The following NSMCE2 variants were observed in gnomAD, a reference collection of about 807,000 sequenced individuals.
NSMCE2 encodes the protein E3 SUMO-protein ligase NSE2.
NSMCE2 carries 24 observed loss-of-function variants against 23.8 expected under a neutral mutation model. The observed-to-expected ratio is 1.01, with a 90% CI of 0.73 to 1.42. The LOEUF is 1.42. NSMCE2 is among the 40% of genes most tolerant of loss of function. NSMCE2 has a pLI of 0.00. For synonymous variants in NSMCE2, 92 were observed against 94.1 expected (o/e 0.98, Z 0.13); for missense variants, 284 against 296.5 (o/e 0.96, Z 0.31).
At chr8:125,188,365 G>A (rs535795779) in intron 5 of NSMCE2, among the ~76,000 whole-genome samples, 1 of 152,274 alleles carries the variant, frequency 6.6e-6, no homozygotes, top group African/African-American at 2.4e-5. Context: ...TATTACCATA[G>A]CACAGGTCCT....
intron 5 of NSMCE2, among the ~76,000 whole-genome samples, chr8:125,329,934 G>T (rs898947673): frequency 1.4e-4 from 21 of 152,024 alleles, no homozygotes; most frequent in South Asian, 2.1e-4. Flanking sequence ...AAGACTGGTT[G>T]TTATTTTTTT....
chr8:125,300,300 C>T (rs1240345515), intron 5 of NSMCE2, among the ~76,000 whole-genome samples: 1 of 151,746 alleles, frequency 6.6e-6, no homozygotes, highest in Non-Finnish European at 1.5e-5. Context: ...TCACCTCCAC[C>T]TCCTGAGTAC....
intron 5 of NSMCE2, among the ~76,000 whole-genome samples, chr8:125,325,738 G>A (rs1027165813): frequency 3.7e-4 from 56 of 152,120 alleles, no homozygotes; most frequent in African/African-American, 7.0e-4. Context: ...GATCACCTGC[G>A]GTCAGGAGTT....
At chr8:125,093,076 A>G (rs904463323) in intron 1 of NSMCE2, among the ~76,000 whole-genome samples, 4 of 152,188 alleles carry the variant, frequency 2.6e-5, no homozygotes, top group Non-Finnish European at 4.4e-5. Flanking sequence ...TATCTTAGTC[A>G]ATGTGGGCTT....
chr8:125,229,699 A>G (rs1166430447), intron 5 of NSMCE2, among the ~76,000 whole-genome samples: 1 of 152,222 alleles, frequency 6.6e-6, no homozygotes, highest in African/African-American at 2.4e-5. Flanking sequence ...TACTTTGTGT[A>G]TAAGGATAAT....
chr8:125,340,012 G>GTTTTTTTTTTTTTTTTTT (rs752038710), intron 5 of NSMCE2, among the ~76,000 whole-genome samples: 1 of 102,854 alleles, frequency 9.7e-6, no homozygotes, highest in Non-Finnish European at 1.9e-5. Context: ...GTTTTTTTTT[G>GTTTTTTTTTTTTTTTTTT]TTTTTTTTTT....
intron 5 of NSMCE2, among the ~76,000 whole-genome samples, chr8:125,324,518 C>CA (rs71295841): frequency 0.43 from 20,701 of 48,490 alleles, 3,970 homozygotes; most frequent in Middle Eastern, 0.54. Flanking sequence ...GGTGCCAGAC[C>CA]AAAAAAAAAA....
intron 5 of NSMCE2, among the ~76,000 whole-genome samples, chr8:125,236,070 G>A (rs1236452552): frequency 6.6e-6 from 1 of 152,170 alleles, no homozygotes; most frequent in African/African-American, 2.4e-5. Context: ...CATCCTCAGA[G>A]CAGCAAAGGG....
At chr8:125,210,640 T>C (rs1477283431) in intron 5 of NSMCE2, among the ~76,000 whole-genome samples, 1 of 152,152 alleles carries the variant, frequency 6.6e-6, no homozygotes, top group South Asian at 2.1e-4. Flanking sequence ...TGTTCCTTTT[T>C]TTTCTCACCG....
Position 125,366,898 on chromosome 8 carries a change from G to GCCTGCTGGTGTC in NSMCE2, c.*18_*19insTGGTGTCCCTGC. 1 of 1,458,284 alleles carries GCCTGCTGGTGTC rather than the reference G, an allele frequency of 6.9e-7. No homozygotes were observed. The highest frequency in any genetic ancestry group is 9.6e-7 in the Non-Finnish European group (1 of 1,038,048). 90.3% of individuals were successfully genotyped at this position (1,458,284 alleles called of 1,614,324 possible). On this transcript the variant is annotated 3_prime_UTR_variant, in exon 8 of 8. Transcript: ENST00000287437. ...TCATTCCGAGTAGGAAAAGCCACCT[G>GCCTGCTGGTGTC]CCTGCAGGGACACCAGCAGCCTACC...
chr8:125,284,549 T>G (rs1827821535), intron 5 of NSMCE2, among the ~76,000 whole-genome samples: 1 of 152,238 alleles, frequency 6.6e-6, no homozygotes, highest in African/African-American at 2.4e-5. Flanking sequence ...ATTCAGGATT[T>G]TCAGTTCTTT....
intron 5 of NSMCE2, among the ~76,000 whole-genome samples, chr8:125,227,005 A>G (rs958107272): frequency 2.6e-5 from 4 of 151,988 alleles, no homozygotes; most frequent in African/African-American, 9.7e-5. Context: ...CCCTTTGCCT[A>G]GGGACTCACC....
At chr8:125,128,876 C>T (rs1819630184) in intron 3 of NSMCE2, among the ~76,000 whole-genome samples, 1 of 152,192 alleles carries the variant, frequency 6.6e-6, no homozygotes, top group South Asian at 2.1e-4. Flanking sequence ...TGGATTCTCT[C>T]CCCACTGCAA....
intron 3 of NSMCE2, among the ~76,000 whole-genome samples, chr8:125,115,200 C>T (rs995794680): frequency 1.3e-5 from 2 of 152,182 alleles, no homozygotes. Flanking sequence ...ATATTGACTC[C>T]ACCCATGGAA....
In NSMCE2 at chr8:125,093,560, G is replaced by T. The variant is rs71516763; in HGVS notation, c.-111+1602G>T. Among the ~76,000 whole-genome samples, 3 of 151,388 alleles carry T rather than the reference G, an allele frequency of 2.0e-5. No homozygotes were observed. The South Asian group carries it at 6.3e-4, about 32-fold the overall frequency. On this transcript the variant is annotated intron_variant, in intron 1 of 7. Coordinates refer to ENST00000287437, the MANE Select transcript of NSMCE2 (RefSeq NM_173685.4). Reference sequence around the variant, plus strand: ...AATAAATAAATAAATAAATAAATAAGTAAATAAATAACATAATTGGTGTGT... The same window carrying T: ...AATAAATAAATAAATAAATAAATAATTAAATAAATAACATAATTGGTGTGT...
chr8:125,263,916 G>C (rs1011443381), intron 5 of NSMCE2, among the ~76,000 whole-genome samples: 2 of 152,078 alleles, frequency 1.3e-5, no homozygotes, highest in Non-Finnish European at 2.9e-5. Context: ...CCTAACACCT[G>C]GTACTCACTG....
At chr8:125,200,349 G>T (rs1347993267) in intron 5 of NSMCE2, among the ~76,000 whole-genome samples, 3 of 152,190 alleles carry the variant, frequency 2.0e-5, no homozygotes, top group Non-Finnish European at 2.9e-5. Context: ...TCCTTCAGGA[G>T]CTCTTGTAAG....
intron 5 of NSMCE2, among the ~76,000 whole-genome samples, chr8:125,308,788 C>T (rs1017444753): frequency 2.0e-5 from 3 of 152,206 alleles, no homozygotes; most frequent in Non-Finnish European, 4.4e-5. Context: ...GTGAGTGTAG[C>T]TCAGTTGGTG....
chr8:125,208,707 G>T (rs1257602207), intron 5 of NSMCE2, among the ~76,000 whole-genome samples: 1 of 152,222 alleles, frequency 6.6e-6, no homozygotes, highest in African/African-American at 2.4e-5. Flanking sequence ...ACCAGAGGGT[G>T]ATGGCTTCAT....
Sources: gnomAD v4.1 joint callset for allele counts (sites outside exome capture counted in the v4.1 genomes callset) on GRCh38, gnomAD v4.1.1 for gene constraint, MANE v1.5 for transcripts, NCBI Gene and HGNC (gene_info 2026-07-23, HGNC 2026-07-21) for gene names.